The following ARSG variants were observed in gnomAD, a reference collection of about 807,000 sequenced individuals.
The protein encoded by ARSG is arylsulfatase G.
ARSG carries 37 observed loss-of-function variants against 50.5 expected under a neutral mutation model. The ratio of observed to expected loss-of-function variants is 0.73; its 90% CI spans 0.56 to 0.96. The LOEUF (loss-of-function observed/expected upper bound fraction) is 0.96, where lower values mean the gene tolerates loss of function less well. Ranked by LOEUF, ARSG falls within the 50% of genes least tolerant of loss-of-function variation. ARSG has a pLI of 0.00. For missense variants in ARSG, 629 were observed against 675.3 expected, an observed-to-expected ratio of 0.93 and a Z score of 0.76; for synonymous variants, 225 against 254.6, an observed-to-expected ratio of 0.88 and a Z score of 1.11.
At chr17:68,389,654 G>A (rs1029334067) in intron 9 of ARSG, among the ~76,000 whole-genome samples, 2 of 152,004 alleles carry the variant, frequency 1.3e-5, no homozygotes, top group Admixed American at 1.3e-4. Flanking sequence ...GCCTTCATTC[G>A]GGAGAGATGA....
At chr17:68,324,508 G>A (rs1555771728) in intron 2 of ARSG, among the ~76,000 whole-genome samples, 1 of 152,198 alleles carries the variant, frequency 6.6e-6, no homozygotes. Flanking sequence ...TAGTGGAAAG[G>A]GCATAGGAAT....
chr17:68,259,916 A>G (rs1338464939), intron 1 of ARSG, among the ~76,000 whole-genome samples: 2 of 152,192 alleles, frequency 1.3e-5, no homozygotes, highest in African/African-American at 4.8e-5. Context: ...GGAAAAGGTC[A>G]TGTAAATCTT....
chr17:68,291,456 T>C (rs1287564466), upstream of ARSG: 6 of 150,576 alleles, frequency 4.0e-5, no homozygotes, highest in African/African-American at 1.5e-4. Flanking sequence ...CTGCGAGCGC[T>C]GAGCGCAGCC....
chr17:68,329,955 A>G (rs1206800748), intron 2 of ARSG, among the ~76,000 whole-genome samples: 2 of 152,178 alleles, frequency 1.3e-5, no homozygotes, highest in African/African-American at 4.8e-5. Context: ...CACTCCTGAA[A>G]TCCCAGCACT....
Position 68,354,694 on chromosome 17 carries a change from GGC to G in ARSG, c.567-1972_567-1971del, listed in dbSNP as rs1285173984. Among the ~76,000 whole-genome samples, 3 of 152,030 alleles carry G rather than the reference GGC, an allele frequency of 2.0e-5. No individual in the cohort carries two copies. In the East Asian group the frequency reaches 5.8e-4, roughly 29 times the overall value. ...AGCTCAGGAGTTTGAGACCAGCCTG[GGC>G]AACATGGTGAAACCCGTTCTTTACA... On this transcript the variant is annotated intron_variant, in intron 5 of 11. Transcript: ENST00000621439.
intron 11 of ARSG, among the ~76,000 whole-genome samples, chr17:68,408,629 G>A (rs540950134): frequency 6.6e-6 from 1 of 152,168 alleles, no homozygotes; most frequent in East Asian, 1.9e-4. Flanking sequence ...TAGTCCTTTG[G>A]GTATATACGC....
At chr17:68,450,588 C>A in the ARSG span, 18 of 1,162,882 alleles carry the variant, frequency 1.5e-5, no homozygotes, top group Non-Finnish European at 2.1e-5. Context: ...ACAATACCCC[C>A]GGGACACGGG....
intron 1 of ARSG, among the ~76,000 whole-genome samples, chr17:68,284,229 G>A (rs1012844044): frequency 4.0e-5 from 6 of 151,294 alleles, no homozygotes; most frequent in Admixed American, 2.6e-4. Flanking sequence ...GGTGAAACCC[G>A]GTGTCTGCTA....
intron 1 of ARSG, among the ~76,000 whole-genome samples, chr17:68,276,085 TTCTC>T (rs1187550733): frequency 6.6e-5 from 10 of 152,012 alleles, no homozygotes; most frequent in Admixed American, 3.3e-4. Flanking sequence ...CAAGATAAAT[TTCTC>T]TCTCTCTCTT....
intron 2 of ARSG, among the ~76,000 whole-genome samples, chr17:68,342,302 G>A (rs2078302586): frequency 6.6e-6 from 1 of 150,844 alleles, no homozygotes; most frequent in Non-Finnish European, 1.5e-5. Flanking sequence ...GAATGCTGCT[G>A]TGTAAAGATA....
chr17:68,346,812 G>T, intron 3 of ARSG: 1 of 1,342,154 alleles, frequency 7.5e-7, no homozygotes, highest in Non-Finnish European at 9.8e-7. Context: ...GAGCCCATGT[G>T]GGGTTGCTGT....
upstream of ARSG, among the ~76,000 whole-genome samples, chr17:68,289,617 G>C (rs2075922745): frequency 6.6e-6 from 1 of 152,172 alleles, no homozygotes; most frequent in Non-Finnish European, 1.5e-5. Context: ...GTCTGTATTT[G>C]GCTAAAGTTC....
At chr17:68,406,238 T>C (rs2081711695) in intron 11 of ARSG, among the ~76,000 whole-genome samples, 1 of 152,258 alleles carries the variant, frequency 6.6e-6, no homozygotes, top group South Asian at 2.1e-4. Context: ...TTTTTATGGC[T>C]GAGCAGTATT....
intron 1 of ARSG, among the ~76,000 whole-genome samples, chr17:68,263,699 C>T (rs782441481): frequency 3.3e-5 from 5 of 152,256 alleles, no homozygotes; most frequent in South Asian, 2.1e-4. Flanking sequence ...ATTCACTCAC[C>T]GTGGCTTCCT....
downstream of ARSG, chr17:68,424,554 A>AG (rs1399904678): frequency 1.9e-6 from 1 of 527,450 alleles, no homozygotes; most frequent in Non-Finnish European, 3.9e-6. Context: ...CTCTGGCTCT[A>AG]GGAGCTGATG....
At chr17:68,397,234 G>A (rs948381214) in intron 10 of ARSG, among the ~76,000 whole-genome samples, 5 of 152,156 alleles carry the variant, frequency 3.3e-5, no homozygotes, top group South Asian at 2.1e-4. Context: ...TCACAGCATC[G>A]TCACGGGGAG....
At chr17:68,273,471 T>G (rs1016953272) in intron 1 of ARSG, among the ~76,000 whole-genome samples, 1 of 152,156 alleles carries the variant, frequency 6.6e-6, no homozygotes, top group African/African-American at 2.4e-5. Context: ...TCCTCCTGTC[T>G]CAGCCTCCCG....
chr17:68,444,662 T>C, the ARSG span: 1 of 1,261,950 alleles, frequency 7.9e-7, no homozygotes, highest in South Asian at 1.3e-5. Context: ...AAATCATTCA[T>C]CTTTCATATG....
downstream of ARSG, chr17:68,426,253 G>GGGGGGGGGGGGGGGGGGGGA: frequency 1.2e-6 from 1 of 841,018 alleles, no homozygotes; most frequent in South Asian, 1.3e-5. Context: ...GGGGAGCGGG[G>GGGGGGGGGGGGGGGGGGGGA]GCTCAAATAA....
Sources: gnomAD v4.1 joint callset for allele counts (sites outside exome capture counted in the v4.1 genomes callset) on GRCh38, gnomAD v4.1.1 for gene constraint, MANE v1.5 for transcripts, NCBI Gene and HGNC (gene_info 2026-07-23, HGNC 2026-07-21) for gene names.